The following TENM1 variants were observed in gnomAD, a reference collection of about 807,000 sequenced individuals.
The protein encoded by TENM1 is teneurin-1.
TENM1 carries 35 observed loss-of-function variants against 174.8 expected under a neutral mutation model. The observed-to-expected ratio is 0.20, with a 90% CI of 0.15 to 0.27. The LOEUF is 0.27. Ranked by LOEUF, TENM1 falls within the 10% of genes least tolerant of loss-of-function variation. The probability of loss-of-function intolerance (pLI) is 1.00; values close to 1 mark genes in which losing one functional copy is unlikely to be tolerated. For missense variants in TENM1, 1,633 were observed against 2,130.1 expected (o/e 0.77, Z 4.59); for synonymous variants, 781 against 798.7 (o/e 0.98, Z 0.37).
chrX:125,093,900 T>A, the TENM1 span, among the ~76,000 whole-genome samples: 2 of 112,299 alleles, frequency 1.8e-5, no homozygotes, highest in African/African-American at 6.5e-5. Flanking sequence ...TATACAGTTA[T>A]AAGACACATG....
chrX:124,881,980 C>T (rs992505188), intron 3 of TENM1, among the ~76,000 whole-genome samples: 23 of 112,204 alleles, frequency 2.0e-4, no homozygotes, highest in South Asian at 1.1e-3. Context: ...CCGCCCACTT[C>T]GGCCTCCCGA....
the TENM1 span, among the ~76,000 whole-genome samples, chrX:125,110,296 G>A: frequency 2.7e-5 from 3 of 111,634 alleles, no homozygotes; most frequent in Admixed American, 2.9e-4. Flanking sequence ...CAAAATCTAA[G>A]TTGGGTATTT....
At chrX:124,673,212 G>A (rs939340421) in intron 5 of TENM1, among the ~76,000 whole-genome samples, 1 of 111,742 alleles carries the variant, frequency 8.9e-6, no homozygotes, top group African/African-American at 3.3e-5. Flanking sequence ...AGTACATGAT[G>A]TATCTGAGGC....
the TENM1 span, among the ~76,000 whole-genome samples, chrX:125,033,040 T>TA: frequency 5.4e-5 from 6 of 111,436 alleles, no homozygotes; most frequent in Non-Finnish European, 1.1e-4. Flanking sequence ...CTTCGGTTGT[T>TA]ACAGTGACTG....
At chrX:125,053,375 G>GA in the TENM1 span, among the ~76,000 whole-genome samples, 10 of 111,693 alleles carry the variant, frequency 9.0e-5, no homozygotes, top group East Asian at 2.8e-4. Context: ...AGCCTCATTT[G>GA]AAAAAAAATT....
At chrX:125,077,555 C>T in the TENM1 span, among the ~76,000 whole-genome samples, 2 of 111,358 alleles carry the variant, frequency 1.8e-5, no homozygotes, top group African/African-American at 6.5e-5. Flanking sequence ...TAGGGTGAAA[C>T]GTATTCTCAT....
At chrX:124,568,104 C>A (rs2048980118) in intron 11 of TENM1, among the ~76,000 whole-genome samples, 1 of 111,818 alleles carries the variant, frequency 8.9e-6, no homozygotes, top group African/African-American at 3.2e-5. Context: ...TATAATGTAA[C>A]AATTTTTTAA....
At chrX:124,565,697 T>C (rs1022926219) in intron 11 of TENM1, 137 bp from the exon 15 acceptor site, 1 of 390,631 alleles carries the variant, frequency 2.6e-6, no homozygotes, top group Non-Finnish European at 3.8e-6. Flanking sequence ...AGAGATGGGG[T>C]CTTGCTGGGT....
At chrX:124,918,163 A>T (rs1177898921) in intron 1 of TENM1, among the ~76,000 whole-genome samples, 1 of 109,996 alleles carries the variant, frequency 9.1e-6, no homozygotes, top group African/African-American at 3.3e-5. Context: ...AGAGGGAGAC[A>T]ACACAAAGAA....
intron 11 of TENM1, among the ~76,000 whole-genome samples, chrX:124,634,423 G>A (rs942377973): frequency 9.0e-6 from 1 of 111,379 alleles, no homozygotes; most frequent in African/African-American, 3.3e-5. Context: ...TCCTAATATG[G>A]TGACATTAAC....
At chrX:124,400,974 G>C (rs1291312713) in intron 27 of TENM1, among the ~76,000 whole-genome samples, 1 of 111,587 alleles carries the variant, frequency 9.0e-6, no homozygotes, top group Non-Finnish European at 1.9e-5. Flanking sequence ...TTAAATAAAT[G>C]AAATTTCAGG....
intron 22 of TENM1, among the ~76,000 whole-genome samples, chrX:124,456,756 T>C (rs898372641): frequency 2.7e-5 from 3 of 111,905 alleles, no homozygotes. Context: ...TAAAGCCATC[T>C]GGGGCTAGCA....
intron 6 of TENM1, among the ~76,000 whole-genome samples, chrX:124,654,231 G>C (rs1488616089): frequency 8.9e-6 from 1 of 112,384 alleles, no homozygotes; most frequent in East Asian, 2.8e-4. Flanking sequence ...CTCATCTCTA[G>C]CTATCTCTAT....
chrX:125,020,103 G>T, the TENM1 span, among the ~76,000 whole-genome samples: 1 of 110,744 alleles, frequency 9.0e-6, no homozygotes, highest in East Asian at 2.8e-4. Flanking sequence ...TCCTCAGGAA[G>T]GCCTTCTCCA....
intron 11 of TENM1, among the ~76,000 whole-genome samples, chrX:124,592,176 T>G (rs2049763676): frequency 8.9e-6 from 1 of 111,995 alleles, no homozygotes; most frequent in Non-Finnish European, 1.9e-5. Context: ...TTCAACCTTG[T>G]CTTGGATCTC....
the TENM1 span, among the ~76,000 whole-genome samples, chrX:125,008,193 C>T: frequency 9.1e-6 from 1 of 109,612 alleles, no homozygotes; most frequent in Non-Finnish European, 1.9e-5. Flanking sequence ...AAAAATTTAC[C>T]CAGCAAATGG....
chrX:124,979,478 C>T, the TENM1 span, among the ~76,000 whole-genome samples: 1 of 111,441 alleles, frequency 9.0e-6, no homozygotes, highest in Non-Finnish European at 1.9e-5. Context: ...TAAAATGTTT[C>T]ATTAATAATT....
At chrX:125,063,039 C>G in the TENM1 span, among the ~76,000 whole-genome samples, 6 of 112,289 alleles carry the variant, frequency 5.3e-5, no homozygotes, top group African/African-American at 1.9e-4. Context: ...CTAGTGATCT[C>G]CTTTTCCTTG....
intron 3 of TENM1, among the ~76,000 whole-genome samples, chrX:124,822,761 C>T (rs2056068244): frequency 8.9e-6 from 1 of 112,011 alleles, no homozygotes. Context: ...GACATTTGAG[C>T]TTCATGCTGT....
Sources: gnomAD v4.1 joint callset for allele counts (sites outside exome capture counted in the v4.1 genomes callset) on GRCh38, gnomAD v4.1.1 for gene constraint, MANE v1.5 for transcripts, NCBI Gene and HGNC (gene_info 2026-07-23, HGNC 2026-07-21) for gene names.